ICA1L: variants seen among roughly 807,000 people sequenced by gnomAD.
ICA1L encodes the protein islet cell autoantigen 1 like.
In ICA1L, 50 loss-of-function variants were observed where a neutral mutation model predicts 61.3. That is an observed-to-expected ratio of 0.82 (90% CI 0.65 to 1.03). The LOEUF is 1.03. ICA1L is among the 50% of genes least tolerant of loss of function. The probability of loss-of-function intolerance (pLI) is 0.00; values close to 1 mark genes in which losing one functional copy is unlikely to be tolerated. For missense variants in ICA1L, 508 were observed against 556.7 expected (o/e 0.91, Z 0.88); for synonymous variants, 161 against 191.3 (o/e 0.84, Z 1.31).
At chr2:202,847,898 C>A (rs1694510218) in intron 1 of ICA1L, among the ~76,000 whole-genome samples, 1 of 151,840 alleles carries the variant, frequency 6.6e-6, no homozygotes, top group Admixed American at 6.6e-5. Context: ...TACTATGCAG[C>A]CATAAAAAAG....
chr2:202,786,525 C>T (rs544420605), intron 11 of ICA1L, among the ~76,000 whole-genome samples: 5 of 151,440 alleles, frequency 3.3e-5, no homozygotes, highest in South Asian at 2.1e-4. Context: ...GTCCGCAGTC[C>T]GGCCTGGGCG....
At chr2:202,825,357 C>G (rs1693811759) in intron 3 of ICA1L, 1 of 214,512 alleles carries the variant, frequency 4.7e-6, no homozygotes, top group Non-Finnish European at 8.8e-6. Context: ...GTAATCCCAG[C>G]TACTTGGTAG....
chr2:202,831,772 A>G (rs1694020214), intron 1 of ICA1L, among the ~76,000 whole-genome samples: 1 of 152,198 alleles, frequency 6.6e-6, no homozygotes, highest in African/African-American at 2.4e-5. Flanking sequence ...TAAATCTGCA[A>G]AAGGTGAGAT....
chr2:202,804,337 C>G (rs1038695278), intron 9 of ICA1L, among the ~76,000 whole-genome samples: 1 of 152,244 alleles, frequency 6.6e-6, no homozygotes, highest in Admixed American at 6.5e-5. Flanking sequence ...CAGGGACAAG[C>G]TGTGTAAGGG....
chr2:202,794,345 C>CAAAA (rs202022262), intron 10 of ICA1L, among the ~76,000 whole-genome samples: 1 of 90,892 alleles, frequency 1.1e-5, no homozygotes, highest in Non-Finnish European at 2.1e-5. Context: ...GACTCCATCT[C>CAAAA]AAAAAAAAAA....
chr2:202,803,181 G>A (rs566883172), intron 9 of ICA1L, among the ~76,000 whole-genome samples: 3 of 152,172 alleles, frequency 2.0e-5, no homozygotes, highest in Admixed American at 2.0e-4. Context: ...TCCAAAGCAG[G>A]CAGATCACCT....
At chr2:202,868,436 C>T (rs1169062013) in intron 1 of ICA1L, among the ~76,000 whole-genome samples, 1 of 152,156 alleles carries the variant, frequency 6.6e-6, no homozygotes, top group Non-Finnish European at 1.5e-5. Flanking sequence ...ACTAAACATG[C>T]TGCTACTTCA....
At chr2:202,783,202 T>C (rs538754621) in intron 12 of ICA1L, among the ~76,000 whole-genome samples, 1 of 152,228 alleles carries the variant, frequency 6.6e-6, no homozygotes, top group Non-Finnish European at 1.5e-5. Context: ...AAATATTTCA[T>C]GGAAGAATTA....
At chr2:202,845,488 G>A (rs1216733686) in intron 1 of ICA1L, among the ~76,000 whole-genome samples, 2 of 151,978 alleles carry the variant, frequency 1.3e-5, no homozygotes, top group Non-Finnish European at 2.9e-5. Flanking sequence ...TAAGCTGGGC[G>A]TGGTGGCAGG....
chr2:202,845,938 A>G (rs1694452557), intron 1 of ICA1L, among the ~76,000 whole-genome samples: 1 of 152,226 alleles, frequency 6.6e-6, no homozygotes, highest in Admixed American at 6.5e-5. Flanking sequence ...CCTGCTGTTT[A>G]ACATAGTAGT....
In ICA1L at chr2:202,819,800, C is replaced by T. The variant is rs746534981; in HGVS notation, c.459G>A (p.Glu153=). ...SDTLMTINRM[E]QARTEYRGAL... ...CTCCTCTGTATTCTGTGCGTGCCTG[C>T]TCCATCCGATTAATTGTCATCAAGG... The change falls in exon 5 of 13, where the codon GAG becomes GAA. Residue 153 remains glutamate, a synonymous_variant. Transcript: ENST00000358299. 3 of 1,613,820 alleles carry T rather than the reference C, an allele frequency of 1.9e-6. No individual in the cohort carries two copies. The highest frequency in any genetic ancestry group is 2.7e-5 in the African/African-American group (2 of 74,916).
At chr2:202,810,763 C>G (rs1693353888) in intron 9 of ICA1L, among the ~76,000 whole-genome samples, 1 of 152,132 alleles carries the variant, frequency 6.6e-6, no homozygotes, top group Non-Finnish European at 1.5e-5. Flanking sequence ...AGGAACATCC[C>G]TGAGAAAGAG....
chr2:202,801,506 T>TA (rs1191174495), intron 9 of ICA1L, among the ~76,000 whole-genome samples: 2 of 152,232 alleles, frequency 1.3e-5, no homozygotes, highest in Non-Finnish European at 2.9e-5. Context: ...GTAGAGTTCT[T>TA]AAAGTAAAAT....
chr2:202,869,085 C>T (rs1037013787), intron 1 of ICA1L, among the ~76,000 whole-genome samples: 5 of 152,016 alleles, frequency 3.3e-5, no homozygotes, highest in East Asian at 1.9e-4. Flanking sequence ...TGAGGCCAGG[C>T]GTGGTGGCTC....
intron 7 of ICA1L, among the ~76,000 whole-genome samples, chr2:202,815,300 T>C (rs1347025408): frequency 1.3e-5 from 2 of 152,176 alleles, no homozygotes; most frequent in Non-Finnish European, 1.5e-5. Flanking sequence ...CCCAGAAATA[T>C]GCAAGATATG....
intron 1 of ICA1L, chr2:202,841,430 T>A: frequency 8.4e-7 from 1 of 1,187,806 alleles, no homozygotes; most frequent in South Asian, 1.2e-5. Context: ...GTCTCCAGCA[T>A]CTTGTTCTGC....
chr2:202,858,355 G>A (rs1694819820), intron 1 of ICA1L, among the ~76,000 whole-genome samples: 1 of 152,164 alleles, frequency 6.6e-6, no homozygotes, highest in Non-Finnish European at 1.5e-5. Context: ...ATCATTGTCA[G>A]CAAATTAACA....
intron 1 of ICA1L, among the ~76,000 whole-genome samples, chr2:202,838,616 A>C (rs1255461559): frequency 1.5e-4 from 23 of 152,156 alleles, no homozygotes. Flanking sequence ...CATGTAACAC[A>C]TATTTGCAAT....
chr2:202,838,969 T>C (rs1694234108), intron 1 of ICA1L, among the ~76,000 whole-genome samples: 1 of 152,110 alleles, frequency 6.6e-6, no homozygotes, highest in South Asian at 2.1e-4. Context: ...CTTATCACCA[T>C]GGGGACAGTA....
Sources: gnomAD v4.1 joint callset for allele counts (sites outside exome capture counted in the v4.1 genomes callset) on GRCh38, gnomAD v4.1.1 for gene constraint, MANE v1.5 for transcripts, NCBI Gene and HGNC (gene_info 2026-07-23, HGNC 2026-07-21) for gene names.